Variants in NEDD4L observed in about 807,000 individuals in gnomAD.
NEDD4L encodes the protein NEDD4 like E3 ubiquitin protein ligase.
In NEDD4L, 54 loss-of-function variants were observed where a neutral mutation model predicts 148.9. The ratio of observed to expected loss-of-function variants is 0.36; its 90% CI spans 0.29 to 0.45. The LOEUF (loss-of-function observed/expected upper bound fraction) is 0.45. NEDD4L is among the 20% of genes least tolerant of loss of function. The pLI is 1.00. For missense variants in NEDD4L, 856 were observed against 1,233.8 expected, an observed-to-expected ratio of 0.69 and a Z score of 4.59; for synonymous variants, 433 against 440.7, an observed-to-expected ratio of 0.98 and a Z score of 0.22.
intron 10 of NEDD4L, 24 bp from the exon 11 acceptor site, chr18:58,330,714 C>G: frequency 6.6e-7 from 1 of 1,522,608 alleles, no homozygotes; most frequent in Admixed American, 2.0e-5. Context: ...CTAGTGTTTA[C>G]CCCAGTGTCT....
At chr18:58,311,425 G>A (rs1014957485) in intron 5 of NEDD4L, among the ~76,000 whole-genome samples, 2 of 152,158 alleles carry the variant, frequency 1.3e-5, no homozygotes, top group Admixed American at 6.5e-5. Context: ...TTGGTGGCAC[G>A]ATCATAGCTC....
chr18:58,234,045 T>TTTC (rs2045591239), intron 2 of NEDD4L, among the ~76,000 whole-genome samples: 8 of 117,876 alleles, frequency 6.8e-5, no homozygotes, highest in Non-Finnish European at 1.1e-4. Flanking sequence ...ATTTCTTTCC[T>TTTC]TTTCTTTCTT....
At chr18:58,278,625 G>C (rs2148925580) in intron 5 of NEDD4L, among the ~76,000 whole-genome samples, 1 of 152,256 alleles carries the variant, frequency 6.6e-6, no homozygotes, top group African/African-American at 2.4e-5. Flanking sequence ...GCCCGTCCCT[G>C]CCTTTATTCC....
At chr18:58,271,247 T>C (rs1469494402) in intron 5 of NEDD4L, among the ~76,000 whole-genome samples, 1 of 152,182 alleles carries the variant, frequency 6.6e-6, no homozygotes, top group Non-Finnish European at 1.5e-5. Flanking sequence ...CCTTTATCCC[T>C]TTAGGGTTAA....
At chr18:58,297,740 A>C (rs1311365550) in intron 5 of NEDD4L, among the ~76,000 whole-genome samples, 2 of 152,174 alleles carry the variant, frequency 1.3e-5, no homozygotes, top group Non-Finnish European at 2.9e-5. Context: ...AGTGGGCCCT[A>C]AACGCAGTCA....
At chr18:58,083,809 G>A (rs2083597325) in intron 1 of NEDD4L, among the ~76,000 whole-genome samples, 1 of 152,214 alleles carries the variant, frequency 6.6e-6, no homozygotes, top group Non-Finnish European at 1.5e-5. Flanking sequence ...GCCATAAAAT[G>A]GAGTGAAACA....
intron 2 of NEDD4L, among the ~76,000 whole-genome samples, chr18:58,193,201 T>C (rs1181080190): frequency 6.6e-6 from 1 of 152,202 alleles, no homozygotes; most frequent in Non-Finnish European, 1.5e-5. Flanking sequence ...GTACTGAAAT[T>C]TACCTCTTGA....
intron 1 of NEDD4L, among the ~76,000 whole-genome samples, chr18:58,064,477 G>A (rs966894987): frequency 3.9e-5 from 6 of 152,262 alleles, no homozygotes; most frequent in Admixed American, 1.3e-4. Context: ...GGAAGTCATG[G>A]CTGCTAGGGT....
At chr18:58,384,594 G>A (rs910190415) in intron 25 of NEDD4L, among the ~76,000 whole-genome samples, 8 of 152,194 alleles carry the variant, frequency 5.3e-5, no homozygotes, top group African/African-American at 1.7e-4. Context: ...TTCTTTTAGG[G>A]TTCAAACGTG....
In NEDD4L at chr18:58,172,088, C is replaced by A. The variant is rs2146759174; in HGVS notation, c.122+6227C>A. 2.6e-5 allele frequency among the ~76,000 whole-genome samples: 4 copies of A among 152,260 alleles called. No individual in the cohort carries two copies. The South Asian group carries it at 8.3e-4, about 32-fold the overall frequency. On this transcript the variant is annotated intron_variant, in intron 2 of 30. Coordinates refer to ENST00000400345, the MANE Select transcript of NEDD4L (RefSeq NM_001144967.3). The stretch of plus-strand genomic sequence containing the variant: ...GAAGGTCATGGCTCTGCACCTGACC[C>A]TCACCTTAGGGGTCAGGAGAGAGCC...
intron 1 of NEDD4L, among the ~76,000 whole-genome samples, chr18:58,087,073 C>G (rs1004402623): frequency 6.6e-6 from 1 of 152,218 alleles, no homozygotes; most frequent in Admixed American, 6.5e-5. Context: ...AAGGACAACA[C>G]CCTTACTTCT....
rs1023994913 is a variant in NEDD4L at position 58,401,150 on chromosome 18, T to G, written c.*4881T>G. On this transcript the variant is annotated 3_prime_UTR_variant, in exon 31 of 31. Transcript: ENST00000400345. ...AATGAAACATGAAAAAAACAGTGAC[T>G]TTTAAGGTGAAAAGAGTTTCAAGCA... The G allele has an allele frequency of 1.3e-5, 2 of 152,176 alleles. No homozygotes were observed. Among genetic ancestry groups the G allele is most frequent in the Non-Finnish European group, 2.9e-5 (2 of 68,038 alleles). 9.4% of individuals were successfully genotyped at this position (152,176 alleles called of 1,614,324 possible). A position where few individuals can be genotyped will look rare whatever the true frequency, so the allele number is the denominator to read the frequency against.
chr18:58,279,533 A>G (rs1400860122), intron 5 of NEDD4L, among the ~76,000 whole-genome samples: 2 of 152,222 alleles, frequency 1.3e-5, no homozygotes, highest in African/African-American at 2.4e-5. Flanking sequence ...TCGGTACACG[A>G]TTGAGAGGAA....
At chr18:58,146,586 A>G (rs977651016) in intron 1 of NEDD4L, among the ~76,000 whole-genome samples, 6 of 152,212 alleles carry the variant, frequency 3.9e-5, no homozygotes, top group Non-Finnish European at 8.8e-5. Context: ...GGCCCTAAAA[A>G]GTGCCGGAGA....
intron 1 of NEDD4L, among the ~76,000 whole-genome samples, chr18:58,066,882 A>G (rs1176985010): frequency 3.1e-4 from 47 of 152,098 alleles, no homozygotes; most frequent in Non-Finnish European, 1.5e-5. Context: ...GAGGGGCAAA[A>G]TCCACTCCCA....
chr18:58,170,094 TCCTC>T (rs1249126684), intron 2 of NEDD4L, among the ~76,000 whole-genome samples: 1 of 152,170 alleles, frequency 6.6e-6, no homozygotes, highest in Admixed American at 6.5e-5. Flanking sequence ...AGCCCGTTCT[TCCTC>T]CCTCTCTCCT....
intron 18 of NEDD4L, among the ~76,000 whole-genome samples, chr18:58,352,331 G>A (rs1214017316): frequency 6.6e-6 from 1 of 151,950 alleles, no homozygotes; most frequent in African/African-American, 2.4e-5. Flanking sequence ...TGAGAGAGAG[G>A]CCACACCTCT....
chr18:58,257,035 C>T (rs1460527942), intron 5 of NEDD4L, among the ~76,000 whole-genome samples: 1 of 152,136 alleles, frequency 6.6e-6, no homozygotes, highest in Non-Finnish European at 1.5e-5. Context: ...AGAATACCTT[C>T]CCCCTGCTTT....
At chr18:58,121,506 G>A (rs2086238377) in intron 1 of NEDD4L, among the ~76,000 whole-genome samples, 1 of 151,712 alleles carries the variant, frequency 6.6e-6, no homozygotes, top group Non-Finnish European at 1.5e-5. Context: ...GCAGGCTCAA[G>A]CGCTCCTTCC....
Sources: allele counts gnomAD v4.1 joint callset (sites outside exome capture counted in the v4.1 genomes callset), GRCh38; gene constraint gnomAD v4.1.1; transcripts MANE v1.5; gene names NCBI Gene and HGNC (gene_info 2026-07-23, HGNC 2026-07-21).